Variants in FCHSD2 observed in about 807,000 individuals in gnomAD.
FCHSD2 encodes the protein F-BAR and double SH3 domains protein 2.
In FCHSD2, 38 loss-of-function variants were observed where a neutral mutation model predicts 108.1. That is an observed-to-expected ratio of 0.35 (90% CI 0.27 to 0.46). The LOEUF (loss-of-function observed/expected upper bound fraction) is 0.46, where lower values mean the gene tolerates loss of function less well. FCHSD2 is among the 20% of genes least tolerant of loss of function. The pLI is 1.00. For synonymous variants in FCHSD2, 279 were observed against 314.7 expected, an observed-to-expected ratio of 0.89 and a Z score of 1.20; for missense variants, 751 against 897.8, an observed-to-expected ratio of 0.84 and a Z score of 2.09.
intron 6 of FCHSD2, among the ~76,000 whole-genome samples, chr11:72,987,461 GGCAC>G (rs1230910660): frequency 6.6e-6 from 1 of 152,044 alleles, no homozygotes; most frequent in African/African-American, 2.4e-5. Context: ...ATTCCTTGAG[GGCAC>G]AAAGCTTACC....
At chr11:72,996,305 G>C (rs1339622500) in intron 5 of FCHSD2, among the ~76,000 whole-genome samples, 4 of 152,078 alleles carry the variant, frequency 2.6e-5, no homozygotes, top group African/African-American at 7.2e-5. Flanking sequence ...AATACTATCA[G>C]GGTTGTGTAA....
intron 4 of FCHSD2, among the ~76,000 whole-genome samples, chr11:73,015,556 T>C (rs1287866677): frequency 1.3e-5 from 2 of 152,160 alleles, no homozygotes; most frequent in Admixed American, 1.3e-4. Flanking sequence ...ATTGGGGGTA[T>C]AATTAATTAT....
chr11:72,874,337 C>A (rs769855974), intron 12 of FCHSD2, among the ~76,000 whole-genome samples: 3 of 152,114 alleles, frequency 2.0e-5, no homozygotes, highest in African/African-American at 7.2e-5. Flanking sequence ...CAGGTGCATG[C>A]CACCATGCCT....
chr11:72,899,735 T>TAA (rs10674308), intron 10 of FCHSD2, among the ~76,000 whole-genome samples: 31,429 of 72,724 alleles, frequency 0.43, 8,158 homozygotes, highest in Middle Eastern at 0.51. Context: ...GACCCTATCT[T>TAA]AAAAAAAAAA....
At position 72,837,369 on chromosome 11, in the gene FCHSD2, C is replaced by T. The variant is rs941547153; in HGVS notation, c.*1422G>A. On this transcript the variant is annotated 3_prime_UTR_variant, in exon 20 of 20. Transcript: ENST00000409418. ...AAATCCCATGGGGACATTTGGCGAGCATTTCAAGTTTTTTAAGATTCTTAG... is the reference window on the plus strand; with the variant it reads ...AAATCCCATGGGGACATTTGGCGAGTATTTCAAGTTTTTTAAGATTCTTAG... 1 of 151,698 alleles carries T rather than the reference C, an allele frequency of 6.6e-6. No individual in the cohort carries two copies. Among genetic ancestry groups the T allele is most frequent in the Non-Finnish European group, 1.5e-5 (1 of 67,878 alleles). The allele number at this position is 151,698 out of a possible 1,614,324, so 9.4% of individuals were successfully genotyped here. A position where few individuals can be genotyped will look rare whatever the true frequency, so the allele number is the denominator to read the frequency against.
intron 10 of FCHSD2, among the ~76,000 whole-genome samples, chr11:72,895,314 T>C (rs1333872948): frequency 1.3e-5 from 2 of 152,214 alleles, no homozygotes; most frequent in African/African-American, 4.8e-5. Flanking sequence ...GCTATTCTTT[T>C]GTCTTGGATT....
chr11:72,980,785 T>C (rs181488848), intron 8 of FCHSD2, among the ~76,000 whole-genome samples: 1 of 151,808 alleles, frequency 6.6e-6, no homozygotes, highest in African/African-American at 2.4e-5. Context: ...CATCTCACTC[T>C]CTTCTACCAT....
chr11:73,029,495 G>A (rs970826700), intron 3 of FCHSD2, among the ~76,000 whole-genome samples: 1 of 152,194 alleles, frequency 6.6e-6, no homozygotes, highest in African/African-American at 2.4e-5. Flanking sequence ...CCCATTGGCA[G>A]GCAGCCATGC....
chr11:73,114,916 G>A (rs547828865), intron 2 of FCHSD2, among the ~76,000 whole-genome samples: 1 of 152,188 alleles, frequency 6.6e-6, no homozygotes, highest in South Asian at 2.1e-4. Flanking sequence ...TACTCCCTCG[G>A]ACGCCATGGC....
At chr11:73,105,667 ATAT>A (rs934447712) in intron 2 of FCHSD2, among the ~76,000 whole-genome samples, 9 of 152,324 alleles carry the variant, frequency 5.9e-5, no homozygotes, top group African/African-American at 1.2e-4. Flanking sequence ...AACTCAATAA[ATAT>A]TTATTATTAG....
intron 12 of FCHSD2, among the ~76,000 whole-genome samples, chr11:72,875,323 C>A (rs1230233632): frequency 6.6e-6 from 1 of 152,120 alleles, no homozygotes; most frequent in Non-Finnish European, 1.5e-5. Flanking sequence ...ATTCACAAAA[C>A]AATTCTAGGG....
chr11:73,070,053 T>C (rs1859395872), intron 3 of FCHSD2, among the ~76,000 whole-genome samples: 1 of 152,198 alleles, frequency 6.6e-6, no homozygotes, highest in Non-Finnish European at 1.5e-5. Context: ...GGGAAACTTA[T>C]CAGTCACAAG....
At chr11:72,953,618 C>T (rs568211674) in intron 8 of FCHSD2, among the ~76,000 whole-genome samples, 183 of 67,184 alleles carry the variant, frequency 2.7e-3, no homozygotes, top group African/African-American at 7.6e-3. Context: ...ACTGGAGACA[C>T]TGCATGGGGG....
intron 3 of FCHSD2, among the ~76,000 whole-genome samples, chr11:73,075,739 CA>C (rs947243201): frequency 8.6e-5 from 13 of 151,724 alleles, no homozygotes; most frequent in African/African-American, 2.7e-4. Flanking sequence ...TTCTTGAACC[CA>C]GGGGGCAGAG....
At chr11:73,001,505 T>C (rs903886360) in intron 4 of FCHSD2, among the ~76,000 whole-genome samples, 2 of 152,174 alleles carry the variant, frequency 1.3e-5, no homozygotes, top group African/African-American at 4.8e-5. Context: ...TTCCTAATTT[T>C]AGTAATAAGG....
At chr11:72,909,408 G>T (rs191708354) in intron 9 of FCHSD2, among the ~76,000 whole-genome samples, 1,768 of 152,266 alleles carry the variant, frequency 0.012, 9 homozygotes, top group Non-Finnish European at 0.017. Context: ...CCAGCTGCCT[G>T]CCTTGGCCTC....
intron 13 of FCHSD2, among the ~76,000 whole-genome samples, chr11:72,857,873 TA>T (rs2135184403): frequency 6.6e-6 from 1 of 152,232 alleles, no homozygotes; most frequent in East Asian, 1.9e-4. Flanking sequence ...AATCATGAGG[TA>T]GAAAGCAGGG....
chr11:73,069,040 G>C (rs771150439), intron 3 of FCHSD2, among the ~76,000 whole-genome samples: 29 of 151,090 alleles, frequency 1.9e-4, no homozygotes, highest in Non-Finnish European at 3.0e-4. Flanking sequence ...GCCAGGAATG[G>C]TGGCTCATGC....
chr11:72,900,413 A>G, intron 10 of FCHSD2: 1 of 860,982 alleles, frequency 1.2e-6, no homozygotes, highest in East Asian at 2.7e-5. Context: ...ACCTAAGAAC[A>G]TTTAGCACAG....
Sources: gnomAD v4.1 joint callset for allele counts (sites outside exome capture counted in the v4.1 genomes callset) on GRCh38, gnomAD v4.1.1 for gene constraint, MANE v1.5 for transcripts, NCBI Gene and HGNC (gene_info 2026-07-23, HGNC 2026-07-21) for gene names.